The following ZFP82 variants were observed in gnomAD, a reference collection of about 807,000 sequenced individuals.
The protein encoded by ZFP82 is zinc finger protein 82 homolog.
In ZFP82, 30 loss-of-function variants were observed where a neutral mutation model predicts 54.0. The ratio of observed to expected loss-of-function variants is 0.56; its 90% CI spans 0.42 to 0.75. The LOEUF (loss-of-function observed/expected upper bound fraction) is 0.75. Among genes scored for constraint, ZFP82 ranks in the 30% least tolerant of loss-of-function variants. The pLI is 0.00. For synonymous variants in ZFP82, 194 were observed against 209.5 expected, an observed-to-expected ratio of 0.93 and a Z score of 0.64; for missense variants, 500 against 636.8, an observed-to-expected ratio of 0.79 and a Z score of 2.31.
downstream of ZFP82, among the ~76,000 whole-genome samples, chr19:36,384,884 G>A (rs1292164030): frequency 6.6e-6 from 1 of 152,174 alleles, no homozygotes; most frequent in Admixed American, 6.6e-5. Context: ...ACTAATTAAT[G>A]ACATCTGCCC....
intron 1 of ZFP82, among the ~76,000 whole-genome samples, chr19:36,410,596 G>A (rs542830499): frequency 7.2e-5 from 11 of 151,804 alleles, no homozygotes; most frequent in African/African-American, 1.9e-4. Flanking sequence ...CCCGCCACCC[G>A]GGTTCAAGCA....
rs1600097133 is a variant in ZFP82 at position 36,392,607 on chromosome 19, G to C, written c.*134C>G. ...TGAAGTTTCAGGTTTGAGTGATGAT[G>C]GACTACAATACATTGTCACACTCTT... On this transcript the variant is annotated 3_prime_UTR_variant, in exon 5 of 5. Coordinates refer to ENST00000392161, the MANE Select transcript of ZFP82 (RefSeq NM_133466.4). The C allele has an allele frequency of 1.4e-6, 1 of 707,152 alleles. No homozygotes were observed. The highest frequency in any genetic ancestry group is 2.2e-6 in the Non-Finnish European group (1 of 461,372). The allele number at this position is 707,152 out of a possible 1,614,324, so 43.8% of individuals were successfully genotyped here. A position where few individuals can be genotyped will look rare whatever the true frequency, so the allele number is the denominator to read the frequency against.
At chr19:36,408,143 T>C in intron 2 of ZFP82, 130 bp from the exon 3 acceptor site, 1 of 999,490 alleles carries the variant, frequency 1.0e-6, no homozygotes, top group Non-Finnish European at 1.4e-6. Flanking sequence ...GCTGGAAGCC[T>C]GCAACACAGC....
chr19:36,397,085 A>G (rs1343819554), intron 4 of ZFP82, among the ~76,000 whole-genome samples: 2 of 114,796 alleles, frequency 1.7e-5, no homozygotes, highest in African/African-American at 7.0e-5. Flanking sequence ...AATAAAGCAT[A>G]AACCAATTTT....
intron 4 of ZFP82, among the ~76,000 whole-genome samples, chr19:36,397,049 A>G (rs948677568): frequency 5.9e-5 from 9 of 152,076 alleles, no homozygotes; most frequent in African/African-American, 1.9e-4. Flanking sequence ...TAAAAGCAGA[A>G]TTAGTTAGAA....
At chr19:36,414,602 T>C (rs2032637505) in intron 1 of ZFP82, among the ~76,000 whole-genome samples, 1 of 151,886 alleles carries the variant, frequency 6.6e-6, no homozygotes, top group African/African-American at 2.4e-5. Context: ...GACCTCGTGA[T>C]CTGCCTGCCT....
At position 36,393,069 on chromosome 19, in the gene ZFP82, C is replaced by G. The variant is rs767755496; in HGVS notation, c.1271G>C (p.Cys424Ser). The G allele has an allele frequency of 1.9e-6, 3 of 1,613,974 alleles. No individual in the cohort carries two copies. Among genetic ancestry groups the G allele is most frequent in the Non-Finnish European group, 8.5e-7 (1 of 1,180,022 alleles). ...TCTGAAGGCCTTCCCGCATTCCTTA[C>G]AGTCATAGGGCTTAACACCAATATG... ...SIHIGVKPYD[C>S]KECGKAFRLL... Residue 424 changes from cysteine (C) to serine (S), a missense_variant, in exon 5 of 5, where the codon TGT (cysteine) becomes TCT (serine). Cys to Ser is a moderately radical substitution (Grantham distance 112). Transcript: ENST00000392161.
chr19:36,407,901 T>C lies in ZFP82; in HGVS notation c.122A>G (p.Asn41Ser), dbSNP rs768926058. The C allele has an allele frequency of 2.5e-6, 4 of 1,614,108 alleles. No homozygotes were observed. In the South Asian group the frequency reaches 3.3e-5, roughly 13 times the overall value. Residue 41 changes from asparagine (N) to serine (S), a missense_variant, in exon 3 of 5, where the codon AAC (asparagine) becomes AGC (serine). Transcript: ENST00000392161. ...YRDVMLENYS[N>S]LVSLGCFISK... ...GATAACCTTACCCAGTGAGACCAAG[T>C]TGCTGTAGTTCTCCAACATGACATC... is the stretch of plus-strand genomic sequence containing the variant.
chr19:36,393,980 A>G lies in ZFP82; in HGVS notation c.360T>C (p.Asp120=). Residue 120 remains aspartate, a synonymous_variant, in exon 5 of 5, where the codon GAT becomes GAC. Transcript: ENST00000392161. The part of the protein sequence containing the change: ...HGLKGLILKN[D]WESTGKIEGQ... ...CTTCAATTTTTCCTGTGGATTCCCA[A>G]TCATTTTTTAAAATGAGACCCTTAA... 6.2e-7 allele frequency: 1 copy of G among 1,613,446 alleles called. No individual in the cohort carries two copies. Among genetic ancestry groups the G allele is most frequent in the Non-Finnish European group, 8.5e-7 (1 of 1,179,802 alleles).
At chr19:36,418,088 T>A (rs565174249) in intron 1 of ZFP82, among the ~76,000 whole-genome samples, 8 of 152,082 alleles carry the variant, frequency 5.3e-5, no homozygotes, top group African/African-American at 1.9e-4. Context: ...GCTCATTTTT[T>A]AAATTTCTGG....
chr19:36,387,032 T>C (rs1248054827), downstream of ZFP82, among the ~76,000 whole-genome samples: 3 of 152,252 alleles, frequency 2.0e-5, no homozygotes, highest in African/African-American at 7.2e-5. Flanking sequence ...AATAGGAATG[T>C]CTAGGCTATG....
intron 4 of ZFP82, among the ~76,000 whole-genome samples, chr19:36,398,542 A>G (rs1231255737): frequency 1.3e-5 from 2 of 152,078 alleles, no homozygotes; most frequent in Middle Eastern, 3.2e-3. Context: ...CATCTCAAAA[A>G]AAAAAAAAAA....
At position 36,393,770 on chromosome 19, in the gene ZFP82, T is replaced by C. The variant is rs748530647; in HGVS notation, c.570A>G (p.Arg190=). 2 of 1,613,782 alleles carry C rather than the reference T, an allele frequency of 1.2e-6. No homozygotes were observed. Among genetic ancestry groups the C allele is most frequent in the African/African-American group, 1.3e-5 (1 of 74,802 alleles). Residue 190 remains arginine, a synonymous_variant, in exon 5 of 5, where the codon AGA becomes AGG. Coordinates refer to ENST00000392161, the MANE Select transcript of ZFP82 (RefSeq NM_133466.4). ...RVRQQLTFHH[R]IHTGEKPYEC... is the part of the protein sequence containing the mutation. ...CATACGGTTTTTCACCAGTATGAAT[T>C]CTGTGATGAAAAGTAAGCTGTTGGC...
At position 36,391,487 on chromosome 19, in the gene ZFP82, T is replaced by A. The variant is rs892743590; in HGVS notation, c.*1254A>T. 4.6e-5 allele frequency: 7 copies of A among 150,734 alleles called. No homozygotes were observed. The highest frequency in any genetic ancestry group is 1.7e-4 in the African/African-American group (7 of 41,062). 9.3% of individuals were successfully genotyped at this position (150,734 alleles called of 1,614,324 possible). A position where few individuals can be genotyped will look rare whatever the true frequency, so the allele number is the denominator to read the frequency against. ...ACTGATTGTAGTTTTTTTTTTTTTT[T>A]GAGACAGGGTCTTGCAGTCACTCAA... is the stretch of plus-strand genomic sequence containing the variant. On this transcript the variant is annotated 3_prime_UTR_variant, in exon 5 of 5. Coordinates refer to ENST00000392161, the MANE Select transcript of ZFP82 (RefSeq NM_133466.4).
At chr19:36,414,550 G>T (rs112091458) in intron 1 of ZFP82, among the ~76,000 whole-genome samples, 1 of 151,516 alleles carries the variant, frequency 6.6e-6, no homozygotes, top group Non-Finnish European at 1.5e-5. Context: ...TTTTAGTACA[G>T]ACAGGGTTTC....
intron 1 of ZFP82, among the ~76,000 whole-genome samples, chr19:36,412,269 T>C (rs2032594643): frequency 6.6e-6 from 1 of 152,232 alleles, no homozygotes; most frequent in South Asian, 2.1e-4. Context: ...TAGATATTGA[T>C]CTTGATTTCC....
At chr19:36,413,388 G>A (rs763014315) in intron 1 of ZFP82, among the ~76,000 whole-genome samples, 2 of 151,982 alleles carry the variant, frequency 1.3e-5, no homozygotes, top group African/African-American at 4.8e-5. Context: ...TTCAGCGTGG[G>A]CAACAGAGTG....
intron 1 of ZFP82, among the ~76,000 whole-genome samples, chr19:36,414,442 C>T (rs1345278828): frequency 6.6e-6 from 1 of 150,502 alleles, no homozygotes; most frequent in African/African-American, 2.4e-5. Flanking sequence ...CAGCTCACTG[C>T]AATCTCTGCC....
chr19:36,405,591 C>G lies in ZFP82; in HGVS notation c.218G>C (p.Arg73Thr). The stretch of plus-strand genomic sequence containing the variant: ...CAACTAGCCCTCACCTGGATATTGT[C>G]TTCTTCCTTTCCTCACAACTTTCCA... Reference protein sequence around the residue: ...EPWKVVRKGRRQYPDLETKYE... With the variant: ...EPWKVVRKGRTQYPDLETKYE... Residue 73 changes from arginine to threonine, a missense_variant, in exon 4 of 5, where the codon AGA becomes ACA. By Grantham distance (71) the Arg-to-Thr change is moderately conservative. Coordinates refer to ENST00000392161, the MANE Select transcript of ZFP82 (RefSeq NM_133466.4). 1.2e-6 allele frequency: 2 copies of G among 1,610,464 alleles called. No individual in the cohort carries two copies. The highest frequency in any genetic ancestry group is 1.7e-6 in the Non-Finnish European group (2 of 1,177,472).
Sources: gnomAD v4.1 joint callset for allele counts (sites outside exome capture counted in the v4.1 genomes callset) on GRCh38, gnomAD v4.1.1 for gene constraint, MANE v1.5 for transcripts, NCBI Gene and HGNC (gene_info 2026-07-23, HGNC 2026-07-21) for gene names.